CDYL2: variants seen among roughly 807,000 people sequenced by gnomAD.
The protein encoded by CDYL2 is chromodomain Y-like protein 2.
A neutral mutation model predicts 49.4 loss-of-function variants in CDYL2; 23 were observed. The ratio of observed to expected loss-of-function variants is 0.47; its 90% CI spans 0.34 to 0.66. The LOEUF (loss-of-function observed/expected upper bound fraction) is 0.66. Ranked by LOEUF, CDYL2 falls within the 30% of genes least tolerant of loss-of-function variation. The probability of loss-of-function intolerance (pLI) is 0.01; values close to 1 mark genes in which losing one functional copy is unlikely to be tolerated. For synonymous variants in CDYL2, 360 were observed against 268.8 expected (o/e 1.34, Z -3.32); for missense variants, 678 against 656.4 (o/e 1.03, Z -0.36).
At chr16:80,749,397 A>G (rs1269411364) in intron 1 of CDYL2, among the ~76,000 whole-genome samples, 1 of 152,202 alleles carries the variant, frequency 6.6e-6, no homozygotes, top group Non-Finnish European at 1.5e-5. Context: ...ATATGCCTGG[A>G]ATATTTACCG....
At chr16:80,735,610 C>T (rs72807944) in intron 1 of CDYL2, among the ~76,000 whole-genome samples, 434 of 152,260 alleles carry the variant, frequency 2.9e-3, no homozygotes, top group Middle Eastern at 0.01. Context: ...GCAGCCCAGA[C>T]CCCCAGGGAA....
At chr16:80,804,114 T>C in intron 1 of CDYL2, 36 bp downstream of exon 1, 1 of 1,037,094 alleles carries the variant, frequency 9.6e-7, no homozygotes. Flanking sequence ...CGCCGCCCGC[T>C]GACTGGGGCC....
At chr16:80,682,982 A>G (rs914155658) in intron 2 of CDYL2, among the ~76,000 whole-genome samples, 2 of 152,188 alleles carry the variant, frequency 1.3e-5, no homozygotes, top group African/African-American at 4.8e-5. Flanking sequence ...CTGGAGAAAG[A>G]GGAGCCTCAA....
chr16:80,639,883 C>G (rs1908005606), intron 2 of CDYL2: 1 of 359,712 alleles, frequency 2.8e-6, no homozygotes, highest in Admixed American at 3.5e-5. Flanking sequence ...GCATACCAAA[C>G]TCAGCTGACG....
intron 1 of CDYL2, among the ~76,000 whole-genome samples, chr16:80,792,890 T>C (rs112774284): frequency 5.3e-5 from 8 of 152,284 alleles, no homozygotes; most frequent in African/African-American, 1.9e-4. Flanking sequence ...CAGCAATGAC[T>C]GGCCGACGCT....
At chr16:80,704,925 T>C (rs1266879229) in intron 1 of CDYL2, among the ~76,000 whole-genome samples, 1 of 152,170 alleles carries the variant, frequency 6.6e-6, no homozygotes, top group African/African-American at 2.4e-5. Flanking sequence ...CCCAGGGGTA[T>C]GGCAGGTGGA....
chr16:80,647,224 G>A (rs1256836578), intron 2 of CDYL2, among the ~76,000 whole-genome samples: 1 of 152,070 alleles, frequency 6.6e-6, no homozygotes. Context: ...CCAAAAACTG[G>A]AAAGATATTC....
intron 2 of CDYL2, among the ~76,000 whole-genome samples, chr16:80,642,730 T>C (rs1183610507): frequency 1.3e-5 from 2 of 152,128 alleles, no homozygotes; most frequent in Admixed American, 6.5e-5. Context: ...GTGGAAACCC[T>C]TGATAAAACC....
chr16:80,796,795 G>C (rs1907780307), intron 1 of CDYL2, among the ~76,000 whole-genome samples: 1 of 152,048 alleles, frequency 6.6e-6, no homozygotes, highest in African/African-American at 2.4e-5. Context: ...GCCCATACAA[G>C]ATGTCTCTAA....
chr16:80,784,779 T>C (rs17761499), intron 1 of CDYL2, among the ~76,000 whole-genome samples: 26,230 of 152,120 alleles, frequency 0.17, 3,010 homozygotes, highest in Middle Eastern at 0.33. Context: ...AATTGACTGA[T>C]TACAATGATC....
At position 80,604,501 on chromosome 16, in the gene CDYL2, C is replaced by T. The variant is rs570302046; in HGVS notation, c.1408G>A (p.Val470Met). Residue 470 changes from valine to methionine, a missense_variant, in exon 7 of 7, where the codon GTG becomes ATG. By Grantham distance (21) the Val-to-Met change is conservative. This residue lies in a region of CDYL2 where 153 missense variants were observed against 150.6 expected (regional missense o/e 1.02). Transcript: ENST00000570137. The stretch of plus-strand genomic sequence containing the variant: ...TCCTTCTCGTTCACGTCTTCCAGCA[C>T]TGATTTCAGGAAGCTCCGCACGAGG... The part of the protein sequence containing the change: ...KCLVRSFLKS[V>M]LEDVNEKECL... 2.5e-6 allele frequency: 4 copies of T among 1,614,208 alleles called. No homozygotes were observed. The South Asian group carries it at 4.4e-5, about 18-fold the overall frequency.
At chr16:80,660,169 C>G (rs1908983905) in intron 2 of CDYL2, among the ~76,000 whole-genome samples, 1 of 151,818 alleles carries the variant, frequency 6.6e-6, no homozygotes, top group African/African-American at 2.4e-5. Flanking sequence ...ACCACAGACT[C>G]TAAAAAAATT....
At chr16:80,803,647 C>T (rs1423915624) in intron 1 of CDYL2, among the ~76,000 whole-genome samples, 1 of 141,212 alleles carries the variant, frequency 7.1e-6, no homozygotes, top group Admixed American at 6.9e-5. Flanking sequence ...GGCCAGGCTC[C>T]GCTCCGATCG....
chr16:80,781,376 C>G (rs753919424), intron 1 of CDYL2, among the ~76,000 whole-genome samples: 1 of 151,938 alleles, frequency 6.6e-6, no homozygotes, highest in Non-Finnish European at 1.5e-5. Flanking sequence ...AACAGAGCCC[C>G]CAAAATATAT....
intron 1 of CDYL2, among the ~76,000 whole-genome samples, chr16:80,694,360 C>A (rs1390456073): frequency 6.6e-6 from 1 of 152,052 alleles, no homozygotes; most frequent in Admixed American, 6.6e-5. Context: ...GTTAGGAACC[C>A]CTGCTCTAGT....
intron 1 of CDYL2, among the ~76,000 whole-genome samples, chr16:80,747,460 C>T (rs1020624130): frequency 1.3e-5 from 2 of 152,138 alleles, no homozygotes; most frequent in African/African-American, 4.8e-5. Context: ...AGGCCGGGAC[C>T]TATCACGTGC....
At chr16:80,750,705 A>G (rs917535438) in intron 1 of CDYL2, among the ~76,000 whole-genome samples, 2 of 152,196 alleles carry the variant, frequency 1.3e-5, no homozygotes, top group East Asian at 3.9e-4. Flanking sequence ...AGAGAGTACT[A>G]TGTCCAAATG....
chr16:80,764,161 G>C (rs1302083368), intron 1 of CDYL2, among the ~76,000 whole-genome samples: 1 of 152,116 alleles, frequency 6.6e-6, no homozygotes, highest in Non-Finnish European at 1.5e-5. Flanking sequence ...AAGTGGCTAG[G>C]TATAAGATGA....
At chr16:80,735,888 A>G (rs1905505354) in intron 1 of CDYL2, among the ~76,000 whole-genome samples, 1 of 152,172 alleles carries the variant, frequency 6.6e-6, no homozygotes, top group Admixed American at 6.5e-5. Context: ...GCCTGTCCAC[A>G]TCCAAGGCTA....
Sources: gnomAD v4.1 joint callset for allele counts (sites outside exome capture counted in the v4.1 genomes callset) on GRCh38, gnomAD v4.1.1 for gene constraint, gnomAD v4.1.1 regional missense constraint, MANE v1.5 for transcripts, NCBI Gene and HGNC (gene_info 2026-07-23, HGNC 2026-07-21) for gene names.